Variants in LPP observed in about 807,000 individuals in gnomAD.
LPP encodes the protein lipoma-preferred partner.
LPP carries 38 observed loss-of-function variants against 60.4 expected under a neutral mutation model. The observed-to-expected ratio is 0.63, with a 90% CI of 0.49 to 0.83. LPP has a LOEUF of 0.83. Among genes scored for constraint, LPP ranks in the 40% least tolerant of loss-of-function variants. The pLI, the probability that LPP is intolerant of heterozygous loss-of-function variation, is 0.00. For missense variants in LPP, 902 were observed against 783.6 expected, an observed-to-expected ratio of 1.15 and a Z score of -1.80; for synonymous variants, 328 against 290.8, an observed-to-expected ratio of 1.13 and a Z score of -1.30.
intron 6 of LPP, among the ~76,000 whole-genome samples, chr3:188,537,798 T>C (rs765262570): frequency 5.2e-4 from 79 of 152,268 alleles, no homozygotes; most frequent in Middle Eastern, 3.4e-3. Context: ...AAAATCATCT[T>C]GAAAAAGATG....
rs1240489952 is a variant in LPP at position 188,884,018 on chromosome 3, C to T, written c.*9539C>T. The T allele has an allele frequency of 1.8e-5, 4 of 220,926 alleles. No individual in the cohort carries two copies. The highest frequency in any genetic ancestry group is 3.6e-5 in the Non-Finnish European group (4 of 110,462). The allele number at this position is 220,926 out of a possible 1,614,324, so 13.7% of individuals were successfully genotyped here. Reference sequence around the variant, plus strand: ...ATGATTGTGGCTTCTTCTACCCCAACTTTGAATGAGAGAGCACTGTAAGCA... The same window carrying T: ...ATGATTGTGGCTTCTTCTACCCCAATTTTGAATGAGAGAGCACTGTAAGCA... On this transcript the variant is annotated 3_prime_UTR_variant, in exon 12 of 12. Transcript: ENST00000617246.
Position 188,588,189 on chromosome 3 carries a change from G to T in LPP, c.430-20972G>T, listed in dbSNP as rs543637972. On this transcript the variant is annotated intron_variant, in intron 6 of 11. Coordinates refer to ENST00000617246, the MANE Select transcript of LPP (RefSeq NM_001375462.1). ...TAGGGCTTCAGTAAAATAACATTTTGCAAGCTGTGTTTTTCAAGACAAAAT... is the reference window on the plus strand; with the variant it reads ...TAGGGCTTCAGTAAAATAACATTTTTCAAGCTGTGTTTTTCAAGACAAAAT... Among the ~76,000 whole-genome samples the T allele has an allele frequency of 1.5e-4, 23 of 152,294 alleles. 2 individuals are homozygous for T. The Middle Eastern group carries it at 0.01, about 68-fold the overall frequency.
intron 4 of LPP, among the ~76,000 whole-genome samples, chr3:188,426,232 G>A (rs1370624058): frequency 6.6e-6 from 1 of 151,104 alleles, no homozygotes; most frequent in Non-Finnish European, 1.5e-5. Flanking sequence ...TCAGGAGCAG[G>A]TTGTTCAGTT....
At chr3:188,672,284 C>T (rs1226572406) in intron 7 of LPP, among the ~76,000 whole-genome samples, 3 of 151,584 alleles carry the variant, frequency 2.0e-5, no homozygotes, top group African/African-American at 4.9e-5. Context: ...TGTTATAAGA[C>T]TCTTTTTTTT....
chr3:188,535,119 A>AT (rs11460112), intron 6 of LPP, among the ~76,000 whole-genome samples: 8,338 of 152,164 alleles, frequency 0.055, 765 homozygotes, highest in African/African-American at 0.19. Context: ...GGACAGAACC[A>AT]TTTGCGCATT....
rs139575105 is a variant in LPP at position 188,640,982 on chromosome 3, C to T, written c.1113+31138C>T. 2.9e-3 allele frequency among the ~76,000 whole-genome samples: 446 copies of T among 152,354 alleles called. 11 individuals are homozygous for T. Among genetic ancestry groups the T allele is most frequent in the Admixed American group, 0.025 (377 of 15,308 alleles). ...TTAGAATGATGTGAGTGCACACTCA[C>T]TCTCATTCTAGTTTATTCTAAACGA... is the stretch of plus-strand genomic sequence containing the variant. On this transcript the variant is annotated intron_variant, in intron 7 of 11. Coordinates refer to ENST00000617246, the MANE Select transcript of LPP (RefSeq NM_001375462.1).
rs1206082559 is a variant in LPP, at chr3:188,785,547, T to TATATATATATATATATATACACACACAC, written c.1410+25266_1410+25267insTATATATATATATATATACACACACACA. ...ATATATATTCCATCATATATATATATACACACACACACACACACACACACA... is the reference window on the plus strand; with the variant it reads ...ATATATATTCCATCATATATATATATATATATATATATATATATACACACACACACACACACACACACACACACACACA... On this transcript the variant is annotated intron_variant, in intron 9 of 11. Transcript: ENST00000617246. 2.5e-4 allele frequency among the ~76,000 whole-genome samples: 11 copies of TATATATATATATATATATACACACACAC among 43,844 alleles called. 1 individual carries two copies. Among genetic ancestry groups the TATATATATATATATATATACACACACAC allele is most frequent in the East Asian group, 2.5e-3 (1 of 406 alleles). The allele number at this position is 43,844 out of a possible 152,430, so 28.8% of individuals were successfully genotyped here. A position where few individuals can be genotyped will look rare whatever the true frequency, so the allele number is the denominator to read the frequency against.
chr3:188,308,377 G>A (rs941734242), intron 2 of LPP, among the ~76,000 whole-genome samples: 2 of 152,194 alleles, frequency 1.3e-5, no homozygotes, highest in Non-Finnish European at 2.9e-5. Context: ...AAATGGGAAT[G>A]TGAGTGACAA....
At chr3:188,807,580 A>G (rs1224892104) in intron 9 of LPP, among the ~76,000 whole-genome samples, 3 of 151,892 alleles carry the variant, frequency 2.0e-5, no homozygotes, top group Non-Finnish European at 2.9e-5. Context: ...ATAAATTTCT[A>G]TTGACCTATC....
chr3:188,847,446 G>A (rs1350607683), intron 9 of LPP, among the ~76,000 whole-genome samples: 1 of 152,202 alleles, frequency 6.6e-6, no homozygotes, highest in Non-Finnish European at 1.5e-5. Flanking sequence ...GGATTCCCAT[G>A]TAGTCAGAAA....
chr3:188,682,405 A>G (rs959321163), intron 7 of LPP, among the ~76,000 whole-genome samples: 3 of 152,224 alleles, frequency 2.0e-5, no homozygotes, highest in Non-Finnish European at 4.4e-5. Context: ...GTGCACACAC[A>G]TCTACACCGT....
chr3:188,688,896 CA>C lies in LPP; in HGVS notation c.1114-19370del, dbSNP rs112724389. 101 of 515,094 alleles carry C rather than the reference CA, an allele frequency of 2.0e-4. No homozygotes were observed. In the African/African-American group the frequency reaches 2.0e-3, roughly 10 times the overall value. 31.9% of individuals were successfully genotyped at this position (515,094 alleles called of 1,614,324 possible). A position where few individuals can be genotyped will look rare whatever the true frequency, so the allele number is the denominator to read the frequency against. On this transcript the variant is annotated intron_variant, in intron 7 of 11. Transcript: ENST00000617246. ...TTCATCTGAAAAAGAGCTTAAATTT[CA>C]GTGTTAATCCTAGATTACAATCCCG... is the stretch of plus-strand genomic sequence containing the variant.
intron 9 of LPP, among the ~76,000 whole-genome samples, chr3:188,773,750 C>G (rs1736826277): frequency 6.6e-6 from 1 of 151,962 alleles, no homozygotes. Flanking sequence ...TGAATAAATC[C>G]TGTTTGTTTA....
intron 9 of LPP, among the ~76,000 whole-genome samples, chr3:188,766,138 T>C (rs977252256): frequency 2.6e-5 from 4 of 151,982 alleles, no homozygotes; most frequent in African/African-American, 7.2e-5. Flanking sequence ...CCCAAAGTGC[T>C]TGGATTACAG....
Position 188,881,532 on chromosome 3 carries a change from A to G in LPP, c.*7053A>G, listed in dbSNP as rs1770023283. The G allele has an allele frequency of 2.3e-5, 5 of 215,532 alleles. No individual in the cohort carries two copies. The highest frequency in any genetic ancestry group is 1.9e-4 in the South Asian group (1 of 5,384). 13.4% of individuals were successfully genotyped at this position (215,532 alleles called of 1,614,324 possible). On this transcript the variant is annotated 3_prime_UTR_variant, in exon 12 of 12. Coordinates refer to ENST00000617246, the MANE Select transcript of LPP (RefSeq NM_001375462.1). ...AAAGTAAACGAAATTGGAATCACCC[A>G]AAGAGAATTTCCCCAAAAAACCTCA...
chr3:188,202,372 G>A (rs1433303010), intron 1 of LPP, among the ~76,000 whole-genome samples: 3 of 152,146 alleles, frequency 2.0e-5, no homozygotes. Context: ...CACAGATACT[G>A]TCTCCACATT....
intron 9 of LPP, among the ~76,000 whole-genome samples, chr3:188,836,265 A>C (rs1758425528): frequency 6.6e-6 from 1 of 152,230 alleles, no homozygotes; most frequent in Admixed American, 6.5e-5. Flanking sequence ...TTTTAAGCAT[A>C]ACATAAAAGA....
intron 5 of LPP, among the ~76,000 whole-genome samples, chr3:188,495,002 G>A (rs1355455879): frequency 7.1e-6 from 1 of 140,092 alleles, no homozygotes; most frequent in Non-Finnish European, 1.5e-5. Flanking sequence ...CATTTGATTT[G>A]CACCATGCCT....
At chr3:188,827,923 C>T (rs890413626) in intron 9 of LPP, among the ~76,000 whole-genome samples, 2 of 152,190 alleles carry the variant, frequency 1.3e-5, no homozygotes, top group African/African-American at 2.4e-5. Flanking sequence ...CTCCTACCTT[C>T]CTCTCTGTCT....
Sources: gnomAD v4.1 joint callset for allele counts (sites outside exome capture counted in the v4.1 genomes callset) on GRCh38, gnomAD v4.1.1 for gene constraint, MANE v1.5 for transcripts, NCBI Gene and HGNC (gene_info 2026-07-23, HGNC 2026-07-21) for gene names.